Variants in ATAT1 observed in about 807,000 individuals in gnomAD.
ATAT1 encodes alpha tubulin acetyltransferase 1.
Under a neutral mutation model 57.2 loss-of-function variants are expected in ATAT1, and 42 were observed. That is an observed-to-expected ratio of 0.73 (90% confidence interval 0.57 to 0.95). The LOEUF is 0.95. Among genes scored for constraint, ATAT1 ranks in the 40% least tolerant of loss-of-function variants. ATAT1 has a pLI of 0.00. For missense variants in ATAT1, 454 were observed against 523.7 expected (o/e 0.87, Z 1.30); for synonymous variants, 168 against 187.1 (o/e 0.90, Z 0.83).
chr6:30,642,833 G>GGGGGGGCGCCCC lies in ATAT1; in HGVS notation c.754_755insGGGGGGCGCCCC (p.Ala252delinsGlyGlyAlaProPro). 7.2e-6 allele frequency: 11 copies of GGGGGGGCGCCCC among 1,537,856 alleles called. No individual in the cohort carries two copies. Among genetic ancestry groups the GGGGGGGCGCCCC allele is most frequent in the Non-Finnish European group, 9.6e-6 (11 of 1,145,764 alleles). ...GGCCCCTCGCCGCGCCACACCTCCA[G>GGGGGGGCGCCCC]CCCACCCACCCCCCCGCTCCAGCAG... On this transcript the variant is annotated protein_altering_variant, in exon 10 of 13. Coordinates refer to ENST00000330083, the MANE Select transcript of ATAT1 (RefSeq NM_001031722.4).
At chr6:30,627,582 G>T in intron 2 of ATAT1, 54 bp from the exon 3 acceptor site, 1 of 1,607,374 alleles carries the variant, frequency 6.2e-7, no homozygotes, top group East Asian at 2.2e-5. Context: ...ATATAAGGGA[G>T]GCCTGGGTCC....
At chr6:30,646,331 G>C (rs1582894063) in intron 12 of ATAT1, 138 bp from the exon 13 acceptor site, 2 of 1,445,788 alleles carry the variant, frequency 1.4e-6, no homozygotes, top group East Asian at 2.5e-5. Context: ...TTTAAATTTG[G>C]ACATAGCACT....
intron 1 of ATAT1, 173 bp from the exon 2 acceptor site, chr6:30,627,287 T>C: frequency 6.2e-7 from 1 of 1,613,496 alleles, no homozygotes; most frequent in Non-Finnish European, 8.5e-7. Context: ...GTGACAGAAG[T>C]TTGGGTTTCA....
intron 6 of ATAT1, among the ~76,000 whole-genome samples, chr6:30,637,700 G>A (rs1288645086): frequency 6.6e-6 from 1 of 150,940 alleles, no homozygotes; most frequent in Non-Finnish European, 1.5e-5. Context: ...AAAAAAGGCC[G>A]GACGCATTGG....
intron 6 of ATAT1, among the ~76,000 whole-genome samples, chr6:30,638,241 G>C (rs553172190): frequency 1.6e-4 from 24 of 151,994 alleles, no homozygotes; most frequent in East Asian, 3.9e-4. Flanking sequence ...GCCCAGGCTG[G>C]TCTTGAACTC....
Position 30,641,647 on chromosome 6 carries a change from C to CTT in ATAT1, c.617-518_617-517dup, listed in dbSNP as rs113857245. The CTT allele has an allele frequency of 2.8e-4, 101 of 360,844 alleles. 3 individuals carry two copies. The highest frequency in any genetic ancestry group is 1.5e-3 in the East Asian group (9 of 5,900). 22.4% of individuals were successfully genotyped at this position (360,844 alleles called of 1,614,324 possible). ...CCTTTCAGATGCCCATATTTATTTT[C>CTT]TTTTTTTTTTTTAACCTAATAAAAC... On this transcript the variant is annotated intron_variant, in intron 8 of 12. Coordinates refer to ENST00000330083, the MANE Select transcript of ATAT1 (RefSeq NM_001031722.4).
chr6:30,628,711 T>C (rs990766726), intron 6 of ATAT1, among the ~76,000 whole-genome samples: 2 of 152,020 alleles, frequency 1.3e-5, no homozygotes, highest in Non-Finnish European at 2.9e-5. Flanking sequence ...TTCAAGCGAT[T>C]CTCCTGCTTC....
rs377366066 is a variant in ATAT1 at position 30,627,995 on chromosome 6, C to T, written c.286-37C>T. ...GGAGGTTAGGGGGCAGCAGAGATGC[C>T]GGGGTTCCTAAAACATTTTTATTGT... On this transcript the variant is annotated intron_variant, in intron 4 of 12. Coordinates refer to ENST00000330083, the MANE Select transcript of ATAT1 (RefSeq NM_001031722.4). 57 of 1,609,450 alleles carry T rather than the reference C, an allele frequency of 3.5e-5. No individual in the cohort carries two copies. The East Asian group carries it at 6.0e-4, about 17-fold the overall frequency.
chr6:30,645,781 C>A, intron 10 of ATAT1, 114 bp from the exon 11 acceptor site: 1 of 711,880 alleles, frequency 1.4e-6, no homozygotes, highest in East Asian at 3.1e-5. Flanking sequence ...ATGATAATTA[C>A]CCCCTTCTCT....
chr6:30,631,615 C>CA (rs1192101852), intron 6 of ATAT1, among the ~76,000 whole-genome samples: 37 of 151,416 alleles, frequency 2.4e-4, no homozygotes, highest in Non-Finnish European at 4.4e-5. Flanking sequence ...CCCATCTCTA[C>CA]AAAAAACACA....
intron 10 of ATAT1, chr6:30,643,376 C>T: frequency 1.4e-6 from 2 of 1,463,544 alleles, no homozygotes; most frequent in Non-Finnish European, 1.8e-6. Context: ...AAGCCACTGG[C>T]TTGTGTGCCA....
chr6:30,644,419 C>T (rs546981484), intron 10 of ATAT1: 323 of 985,894 alleles, frequency 3.3e-4, no homozygotes, highest in Non-Finnish European at 3.7e-4. Flanking sequence ...TGTCCTTCCT[C>T]TCTCCTTTCC....
At position 30,627,080 on chromosome 6, in the gene ATAT1, G is replaced by A; in HGVS notation, c.-124G>A. ...CACCACGCCCCCTTCTCACTGACTA[G>A]TGATCGCCCCTTTTGATGTCCAGGC... On this transcript the variant is annotated 5_prime_UTR_variant, in exon 1 of 13. Coordinates refer to ENST00000330083, the MANE Select transcript of ATAT1 (RefSeq NM_001031722.4). The A allele has an allele frequency of 6.4e-7, 1 of 1,553,212 alleles. No individual in the cohort carries two copies. The highest frequency in any genetic ancestry group is 8.7e-7 in the Non-Finnish European group (1 of 1,146,040).
At chr6:30,628,523 C>G in intron 6 of ATAT1, 93 bp downstream of exon 6, 1 of 1,010,052 alleles carries the variant, frequency 9.9e-7, no homozygotes, top group Non-Finnish European at 1.5e-6. Flanking sequence ...TTTCCTATCA[C>G]ATAGGTTTCA....
chr6:30,626,883 G>A lies in ATAT1; in HGVS notation c.-321G>A, dbSNP rs1761765665. The A allele has an allele frequency of 6.2e-7, 1 of 1,605,380 alleles. No individual in the cohort carries two copies. The highest frequency in any genetic ancestry group is 8.5e-7 in the Non-Finnish European group (1 of 1,176,830). ...GGGCGGGTCCGACCGCGCACAATGG[G>A]CCATGGAGTTCCCGTTCGATGTGGA... is the stretch of plus-strand genomic sequence containing the variant. On this transcript the variant is annotated 5_prime_UTR_variant, in exon 1 of 13. Coordinates refer to ENST00000330083, the MANE Select transcript of ATAT1 (RefSeq NM_001031722.4).
intron 6 of ATAT1, among the ~76,000 whole-genome samples, chr6:30,638,493 C>T (rs1308632316): frequency 1.3e-5 from 2 of 151,876 alleles, no homozygotes; most frequent in African/African-American, 4.8e-5. Flanking sequence ...GGGTCTCGAA[C>T]TCCTGACCTC....
chr6:30,640,263 T>C lies in ATAT1; in HGVS notation c.502-114T>C, dbSNP rs1765124843. Reference sequence around the variant, plus strand: ...TTGTAGGCTATAGTGTCTAGGTTTGTGTAAGTACACTCTGTGATGTTCACA... The same window carrying C: ...TTGTAGGCTATAGTGTCTAGGTTTGCGTAAGTACACTCTGTGATGTTCACA... On this transcript the variant is annotated intron_variant, in intron 6 of 12. Transcript: ENST00000330083. The C allele has an allele frequency of 1.3e-5, 15 of 1,163,442 alleles. 1 individual carries two copies. The South Asian group carries it at 1.8e-4, about 14-fold the overall frequency. 72.1% of individuals were successfully genotyped at this position (1,163,442 alleles called of 1,614,324 possible).
chr6:30,630,990 TTAG>T (rs1762749560), intron 6 of ATAT1, among the ~76,000 whole-genome samples: 1 of 150,562 alleles, frequency 6.6e-6, no homozygotes, highest in Non-Finnish European at 1.5e-5. Flanking sequence ...AGTCCCTGTC[TTAG>T]TGGTGGAGCT....
intron 6 of ATAT1, among the ~76,000 whole-genome samples, chr6:30,632,299 G>T (rs1763068858): frequency 6.6e-6 from 1 of 151,132 alleles, no homozygotes; most frequent in Admixed American, 6.6e-5. Flanking sequence ...ATAGCGCCAG[G>T]TGTGGTATCT....
Sources: gnomAD v4.1 joint callset for allele counts (sites outside exome capture counted in the v4.1 genomes callset) on GRCh38, gnomAD v4.1.1 for gene constraint, MANE v1.5 for transcripts, NCBI Gene and HGNC (gene_info 2026-07-23, HGNC 2026-07-21) for gene names.